The following SPAG9 variants were observed in gnomAD, a reference collection of about 807,000 sequenced individuals.
SPAG9 encodes sperm associated antigen 9, also known as C-Jun-amino-terminal kinase-interacting protein 4.
Under a neutral mutation model 166.5 loss-of-function variants are expected in SPAG9, and 35 were observed. The ratio of observed to expected loss-of-function variants is 0.21; its 90% CI spans 0.16 to 0.28. The LOEUF (loss-of-function observed/expected upper bound fraction) is 0.28. SPAG9 is among the 10% of genes least tolerant of loss of function. SPAG9 has a pLI of 1.00. For synonymous variants in SPAG9, 534 were observed against 565.5 expected (o/e 0.94, Z 0.79); for missense variants, 1,235 against 1,603.3 (o/e 0.77, Z 3.92).
chr17:51,006,816 G>A lies in SPAG9; in HGVS notation c.1271+453C>T, dbSNP rs2045238446. ...CCATTAAATGTGTCTGAGGGCTTAA[G>A]ACTCCACAAATTGCACCCAAGAATG... On this transcript the variant is annotated intron_variant, in intron 10 of 29. Transcript: ENST00000262013. Among the ~76,000 whole-genome samples the A allele has an allele frequency of 2.0e-5, 3 of 152,194 alleles. No individual in the cohort carries two copies. In the South Asian group the frequency reaches 6.2e-4, roughly 31 times the overall value.
intron 8 of SPAG9, 90 bp from the exon 9 acceptor site, chr17:51,014,443 G>A (rs1418409851): frequency 9.9e-5 from 106 of 1,073,844 alleles, no homozygotes; most frequent in South Asian, 2.3e-4. Context: ...AGCTACATAG[G>A]ACTTTCTTAC....
intron 27 of SPAG9, chr17:50,976,487 A>G (rs982981300): frequency 6.5e-6 from 1 of 154,348 alleles, no homozygotes; most frequent in African/African-American, 2.4e-5. Flanking sequence ...TGAAGTGTAT[A>G]TGTATTAATG....
At chr17:50,980,403 T>A (rs77265719) in intron 25 of SPAG9, among the ~76,000 whole-genome samples, 1 of 151,622 alleles carries the variant, frequency 6.6e-6, no homozygotes, top group Non-Finnish European at 1.5e-5. Context: ...CAGGCTTTCA[T>A]CATGTTGGCC....
intron 19 of SPAG9, among the ~76,000 whole-genome samples, chr17:50,992,030 CCGACT>C (rs911807792): frequency 2.7e-5 from 4 of 150,026 alleles, no homozygotes; most frequent in Non-Finnish European, 5.9e-5. Context: ...CTTGACCTCC[CCGACT>C]CAAGTTATCC....
chr17:50,990,300 T>C (rs1377883492), intron 20 of SPAG9, 150 bp downstream of exon 20: 15 of 662,890 alleles, frequency 2.3e-5, no homozygotes, highest in Non-Finnish European at 3.7e-5. Context: ...AGTGCTGGGA[T>C]TACAGGCGTG....
chr17:51,079,952 T>G (rs1476071423), intron 1 of SPAG9, among the ~76,000 whole-genome samples: 1 of 152,226 alleles, frequency 6.6e-6, no homozygotes, highest in Admixed American at 6.5e-5. Context: ...TATACATATC[T>G]TACTACAAAT....
At chr17:51,101,594 T>C (rs191412956) in intron 1 of SPAG9, among the ~76,000 whole-genome samples, 36 of 152,060 alleles carry the variant, frequency 2.4e-4, no homozygotes, top group South Asian at 1.5e-3. Flanking sequence ...AACTAGAAAT[T>C]TGATTTATAC....
At position 51,115,394 on chromosome 17, in the gene SPAG9, G is replaced by A. The variant is rs116451908; in HGVS notation, c.303+4960C>T. Among the ~76,000 whole-genome samples, 881 of 148,362 alleles carry A rather than the reference G, an allele frequency of 5.9e-3. 6 individuals are homozygous for A. Among genetic ancestry groups the A allele is most frequent in the African/African-American group, 0.02 (809 of 40,354 alleles). ...TTTTGGGGAAGAGGGGTCTCACTAC[G>A]TTGCCCAGGCTTGAACTCATCCTTT... On this transcript the variant is annotated intron_variant, in intron 1 of 29. Transcript: ENST00000262013.
At chr17:51,048,777 CAG>C (rs1342561008) in intron 3 of SPAG9, among the ~76,000 whole-genome samples, 4 of 152,118 alleles carry the variant, frequency 2.6e-5, no homozygotes, top group African/African-American at 9.6e-5. Context: ...ACAAATTAAC[CAG>C]ACTGTTCCTC....
chr17:50,982,040 A>AAAAAAAG (rs1464534537), intron 25 of SPAG9, among the ~76,000 whole-genome samples: 9 of 152,020 alleles, frequency 5.9e-5, no homozygotes, highest in Non-Finnish European at 1.2e-4. Context: ...CTCAGAAAAA[A>AAAAAAAG]AAAAAAGAAA....
At chr17:51,028,871 T>C (rs908601051) in intron 6 of SPAG9, among the ~76,000 whole-genome samples, 2 of 152,214 alleles carry the variant, frequency 1.3e-5, no homozygotes, top group Admixed American at 1.3e-4. Flanking sequence ...ACAGGTCACT[T>C]GCCAGGTTGT....
chr17:51,077,433 T>C (rs1368372463), intron 2 of SPAG9, among the ~76,000 whole-genome samples: 1 of 151,646 alleles, frequency 6.6e-6, no homozygotes, highest in Admixed American at 6.6e-5. Context: ...TGTCTCTATT[T>C]AAAAAAAAGT....
At chr17:51,051,460 A>G (rs1046291538) in intron 3 of SPAG9, among the ~76,000 whole-genome samples, 1 of 151,954 alleles carries the variant, frequency 6.6e-6, no homozygotes, top group East Asian at 1.9e-4. Flanking sequence ...TGGCTCACAC[A>G]TGTAATCCCA....
chr17:51,114,855 G>C (rs1181440536), intron 1 of SPAG9, among the ~76,000 whole-genome samples: 1 of 151,928 alleles, frequency 6.6e-6, no homozygotes, highest in Admixed American at 6.6e-5. Context: ...AGGCAGCTGA[G>C]GCAGGAGAAT....
chr17:51,018,266 C>T (rs1281407132), intron 8 of SPAG9, among the ~76,000 whole-genome samples: 1 of 43,312 alleles, frequency 2.3e-5, no homozygotes, highest in African/African-American at 9.7e-5. Context: ...TCGCTTGAAC[C>T]CGGGGGAGGG....
rs944586930 is a variant in SPAG9 at position 51,095,054 on chromosome 17, G to A, written c.304-15350C>T. 1.4e-4 allele frequency among the ~76,000 whole-genome samples: 22 copies of A among 152,118 alleles called. 1 individual carries two copies. The highest frequency in any genetic ancestry group is 3.1e-4 in the Non-Finnish European group (21 of 68,022). Reference sequence around the variant, plus strand: ...CTGACGCCTGTAATCCCAGCACTTCGGGAGGCCGAGGTGCATGGATCACGA... The same window carrying A: ...CTGACGCCTGTAATCCCAGCACTTCAGGAGGCCGAGGTGCATGGATCACGA... On this transcript the variant is annotated intron_variant, in intron 1 of 29. Transcript: ENST00000262013.
chr17:50,966,353 C>T lies in SPAG9; in HGVS notation c.3885G>A (p.Glu1295=), dbSNP rs372214595. 1 of 1,613,684 alleles carries T rather than the reference C, an allele frequency of 6.2e-7. No individual in the cohort carries two copies. Among genetic ancestry groups the T allele is most frequent in the Non-Finnish European group, 8.5e-7 (1 of 1,179,666 alleles). ...DEGGESELLG[E]DLPLEPSVTK... is the part of the protein sequence containing the mutation. ...TGACAGAAGGTTCAAGTGGAAGATC[C>T]TCTCCAAGAAGTTCTGATTCTCCAC... Residue 1295 remains glutamate (E), a synonymous_variant, in exon 30 of 30, where the codon GAG becomes GAA. Coordinates refer to ENST00000262013, the MANE Select transcript of SPAG9 (RefSeq NM_001130528.3).
At chr17:50,981,483 A>T (rs62060058) in intron 25 of SPAG9, among the ~76,000 whole-genome samples, 6 of 143,848 alleles carry the variant, frequency 4.2e-5, no homozygotes, top group African/African-American at 1.6e-4. Context: ...TACACAGATA[A>T]AGATAGATAG....
At chr17:50,996,359 C>T (rs117087150) in intron 16 of SPAG9, 4 of 566,130 alleles carry the variant, frequency 7.1e-6, no homozygotes, top group African/African-American at 1.9e-5. Context: ...CTCCTCCCCC[C>T]CTCACAGACT....
Sources: allele counts gnomAD v4.1 joint callset (sites outside exome capture counted in the v4.1 genomes callset), GRCh38; gene constraint gnomAD v4.1.1; transcripts MANE v1.5; gene names NCBI Gene and HGNC (gene_info 2026-07-23, HGNC 2026-07-21).